RP1: variants seen among roughly 807,000 people sequenced by gnomAD.
RP1 encodes RP1 axonemal microtubule associated.
RP1 carries 16 observed loss-of-function variants against 14.8 expected under a neutral mutation model. That is an observed-to-expected ratio of 1.08 (90% CI 0.73 to 1.65). The LOEUF is 1.65. RP1 is among the 40% of genes most tolerant of loss of function. The probability of loss-of-function intolerance (pLI) is 0.00; values close to 1 mark genes in which losing one functional copy is unlikely to be tolerated. For missense variants in RP1, 2,631 were observed against 2,535.0 expected, an observed-to-expected ratio of 1.04 and a Z score of -0.81; for synonymous variants, 876 against 883.6, an observed-to-expected ratio of 0.99 and a Z score of 0.15.
chr8:54,586,999 G>T (rs1804944319), intron 1 of RP1, among the ~76,000 whole-genome samples: 1 of 152,192 alleles, frequency 6.6e-6, no homozygotes, highest in African/African-American at 2.4e-5. Flanking sequence ...TGCACCCACT[G>T]TCCTGCACCT....
At chr8:54,620,235 T>C (rs1018817016) in intron 1 of RP1, among the ~76,000 whole-genome samples, 2 of 152,250 alleles carry the variant, frequency 1.3e-5, no homozygotes, top group Non-Finnish European at 2.9e-5. Context: ...CTTTGGTCAA[T>C]GGTGGACTAC....
intron 1 of RP1, among the ~76,000 whole-genome samples, chr8:54,610,796 C>T (rs1805571454): frequency 6.6e-6 from 1 of 152,184 alleles, no homozygotes; most frequent in African/African-American, 2.4e-5. Context: ...GTAATCCTCA[C>T]TTCTTGCTTG....
At chr8:54,604,633 C>T (rs1805381827) in intron 1 of RP1, among the ~76,000 whole-genome samples, 1 of 152,156 alleles carries the variant, frequency 6.6e-6, no homozygotes, top group African/African-American at 2.4e-5. Context: ...CTCCTTGTAC[C>T]TCTGGTAGAA....
intron 24 of RP1, among the ~76,000 whole-genome samples, chr8:54,802,557 C>G (rs905942460): frequency 6.6e-6 from 1 of 152,130 alleles, no homozygotes; most frequent in Admixed American, 6.6e-5. Flanking sequence ...TCCACTTTCT[C>G]AAAAAGCATT....
chr8:54,753,520 C>T (rs1053116695), intron 19 of RP1, among the ~76,000 whole-genome samples: 1 of 152,088 alleles, frequency 6.6e-6, no homozygotes, highest in African/African-American at 2.4e-5. Flanking sequence ...AGACTCATCA[C>T]GGTAATGAGT....
intron 1 of RP1, among the ~76,000 whole-genome samples, chr8:54,567,454 C>A (rs1000418501): frequency 2.6e-5 from 4 of 152,022 alleles, no homozygotes; most frequent in African/African-American, 9.7e-5. Flanking sequence ...ATGAGACTTC[C>A]TGAGGAAAAG....
At chr8:54,754,461 T>C (rs1809451092) in intron 19 of RP1, among the ~76,000 whole-genome samples, 2 of 152,140 alleles carry the variant, frequency 1.3e-5, no homozygotes. Context: ...ACAAGTCCGA[T>C]TGATTAAGGT....
intron 21 of RP1, among the ~76,000 whole-genome samples, chr8:54,757,297 G>A (rs1809533295): frequency 6.6e-6 from 1 of 152,158 alleles, no homozygotes; most frequent in Admixed American, 6.5e-5. Flanking sequence ...ATATGTAACA[G>A]ACCAAATTTA....
At chr8:54,693,943 T>C (rs1479947643) in intron 12 of RP1, among the ~76,000 whole-genome samples, 3 of 152,116 alleles carry the variant, frequency 2.0e-5, no homozygotes, top group Admixed American at 6.6e-5. Context: ...CAGTATGATA[T>C]TGGGTGTGGG....
intron 24 of RP1, among the ~76,000 whole-genome samples, chr8:54,827,918 A>G (rs1811423275): frequency 6.6e-6 from 1 of 151,858 alleles, no homozygotes; most frequent in South Asian, 2.1e-4. Context: ...AGTAGTAATT[A>G]TTTTTTTCTA....
At chr8:54,783,056 G>A (rs1399496800) in intron 23 of RP1, among the ~76,000 whole-genome samples, 2 of 152,126 alleles carry the variant, frequency 1.3e-5, no homozygotes, top group Admixed American at 1.3e-4. Context: ...TCATGAGAAA[G>A]AAAGTTCTTT....
chr8:54,617,232 C>A (rs1805740960), intron 1 of RP1, among the ~76,000 whole-genome samples: 1 of 152,240 alleles, frequency 6.6e-6, no homozygotes, highest in African/African-American at 2.4e-5. Context: ...TCCACCACTT[C>A]TTCAGCCTAA....
chr8:54,693,664 A>T (rs1807778400), intron 12 of RP1, among the ~76,000 whole-genome samples: 1 of 152,094 alleles, frequency 6.6e-6, no homozygotes, highest in South Asian at 2.1e-4. Context: ...TTGTACATTG[A>T]TTTTGTATCC....
chr8:54,730,601 C>T (rs1808770940), intron 17 of RP1, among the ~76,000 whole-genome samples: 1 of 152,052 alleles, frequency 6.6e-6, no homozygotes, highest in Non-Finnish European at 1.5e-5. Context: ...ATATTTTATT[C>T]ATAATATCCT....
intron 22 of RP1, among the ~76,000 whole-genome samples, chr8:54,759,564 C>G (rs921290285): frequency 6.6e-6 from 1 of 152,170 alleles, no homozygotes; most frequent in Admixed American, 6.5e-5. Context: ...TCTCTAAATT[C>G]CTGACCTGGC....
chr8:54,851,767 A>G (rs1008567070), intron 25 of RP1, among the ~76,000 whole-genome samples: 8 of 152,214 alleles, frequency 5.3e-5, no homozygotes, highest in African/African-American at 1.4e-4. Flanking sequence ...CATGATGGAA[A>G]CAGCCAATGT....
intron 24 of RP1, among the ~76,000 whole-genome samples, chr8:54,829,651 A>G (rs1811472757): frequency 1.4e-5 from 2 of 142,008 alleles, no homozygotes; most frequent in South Asian, 4.7e-4. Flanking sequence ...CCTCTGGTAT[A>G]TCTATGATCA....
At chr8:54,636,389 A>G (rs768691102) in intron 3 of RP1, among the ~76,000 whole-genome samples, 2 of 152,330 alleles carry the variant, frequency 1.3e-5, no homozygotes, top group Middle Eastern at 6.8e-3. Flanking sequence ...GCTGGAGCTT[A>G]TGGCCACTCT....
At chr8:54,614,635 C>T (rs1805672442), upstream of RP1, among the ~76,000 whole-genome samples, 4 of 152,214 alleles carry the variant, frequency 2.6e-5, no homozygotes. Context: ...CTGTCCTTAA[C>T]TGGAGTTGTG....
Sources: gnomAD v4.1 joint callset for allele counts (sites outside exome capture counted in the v4.1 genomes callset) on GRCh38, gnomAD v4.1.1 for gene constraint, MANE v1.5 for transcripts, NCBI Gene and HGNC (gene_info 2026-07-23, HGNC 2026-07-21) for gene names.